FAM53A: variants seen among roughly 807,000 people sequenced by gnomAD.
FAM53A encodes family with sequence similarity 53 member A, also known as protein FAM53A.
In FAM53A, 28 loss-of-function variants were observed where a neutral mutation model predicts 26.6. The observed-to-expected ratio is 1.05, with a 90% CI of 0.78 to 1.45. The LOEUF (loss-of-function observed/expected upper bound fraction) is 1.45, where lower values mean the gene tolerates loss of function less well. FAM53A is among the 40% of genes most tolerant of loss of function. FAM53A has a pLI of 0.00. For synonymous variants in FAM53A, 290 were observed against 253.1 expected, an observed-to-expected ratio of 1.15 and a Z score of -1.38; for missense variants, 650 against 575.8, an observed-to-expected ratio of 1.13 and a Z score of -1.32.
rs772940976 is a variant in FAM53A, at chr4:1,666,823, G to A, written c.75+1844C>T. Among the ~76,000 whole-genome samples, 8 of 152,134 alleles carry A rather than the reference G, an allele frequency of 5.3e-5. No homozygotes were observed. The South Asian group carries it at 6.2e-4, about 12-fold the overall frequency. On this transcript the variant is annotated intron_variant, in intron 2 of 4. Transcript: ENST00000308132. ...AACATGGCCAACATGGTGAAACCCC[G>A]TCTCTACTAAAAATACAAAATTTAG...
the FAM53A span, among the ~76,000 whole-genome samples, chr4:1,601,233 C>CCGGGGGAGATGGGATGGG: frequency 5.7e-4 from 50 of 87,262 alleles, no homozygotes; most frequent in South Asian, 1.0e-3. Context: ...CGCAACAGGT[C>CCGGGGGAGATGGGATGGG]GGACACCCAC....
At position 1,619,237 on chromosome 4, in the gene FAM53A, T is replaced by C. The variant is rs948417338; in HGVS notation, c.432-1126A>G. 5.3e-5 allele frequency among the ~76,000 whole-genome samples: 8 copies of C among 152,334 alleles called. 1 individual carries two copies. In the South Asian group the frequency reaches 1.7e-3, roughly 32 times the overall value. The stretch of plus-strand genomic sequence containing the variant: ...CAGGCTGAGGCAGGAGCTGCCAGGA[T>C]CCCACCTTGTGGCGAGCGGCCCCTT... On this transcript the variant is annotated intron_variant, in intron 1 of 1. Coordinates refer to the FAM53A transcript ENST00000489029.
At chr4:1,626,426 C>G (rs1407410599) in intron 1 of FAM53A, among the ~76,000 whole-genome samples, 1 of 152,240 alleles carries the variant, frequency 6.6e-6, no homozygotes, top group Non-Finnish European at 1.5e-5. Flanking sequence ...ACCCCGATCA[C>G]CAGACCCAGC....
intron 1 of FAM53A, among the ~76,000 whole-genome samples, chr4:1,672,204 G>A (rs1483659925): frequency 2.4e-5 from 2 of 83,720 alleles, no homozygotes; most frequent in Non-Finnish European, 3.1e-5. Context: ...CCAGGAACCA[G>A]GAACCCACAG....
At chr4:1,635,478 T>C (rs1304897679), downstream of FAM53A, among the ~76,000 whole-genome samples, 1 of 152,166 alleles carries the variant, frequency 6.6e-6, no homozygotes, top group African/African-American at 2.4e-5. Context: ...CTTGCTATGT[T>C]GCCCAGGCTG....
intron 1 of FAM53A, among the ~76,000 whole-genome samples, chr4:1,634,580 T>G (rs979437049): frequency 1.3e-5 from 2 of 152,192 alleles, no homozygotes; most frequent in African/African-American, 4.8e-5. Flanking sequence ...TCCTCCCTTA[T>G]GCATTTTGTG....
At chr4:1,580,488 G>C in the FAM53A span, among the ~76,000 whole-genome samples, 3,712 of 151,832 alleles carry the variant, frequency 0.024, 101 homozygotes, top group African/African-American at 0.062. Context: ...CCCCGGCGCG[G>C]GGTGCACGGA....
At chr4:1,658,794 G>C (rs930191683) in intron 2 of FAM53A, among the ~76,000 whole-genome samples, 1 of 152,262 alleles carries the variant, frequency 6.6e-6, no homozygotes, top group Admixed American at 6.5e-5. Context: ...ACAGGAGGGG[G>C]GTCCTGCCGG....
the FAM53A span, chr4:1,574,403 C>G: frequency 6.6e-6 from 1 of 152,624 alleles, no homozygotes; most frequent in African/African-American, 2.4e-5. Flanking sequence ...CTCATCCCCT[C>G]CCACCAGGGT....
At chr4:1,650,352 GTGT>G (rs1397924545) in intron 4 of FAM53A, among the ~76,000 whole-genome samples, 1 of 132,936 alleles carries the variant, frequency 7.5e-6, no homozygotes, top group Non-Finnish European at 1.6e-5. Flanking sequence ...CACAGGCGTG[GTGT>G]TTGACTGTGA....
chr4:1,626,214 G>A (rs1715295458), intron 1 of FAM53A, among the ~76,000 whole-genome samples: 1 of 152,202 alleles, frequency 6.6e-6, no homozygotes, highest in South Asian at 2.1e-4. Flanking sequence ...CCCAGGAGGA[G>A]GAGGTAGGGG....
the FAM53A span, among the ~76,000 whole-genome samples, chr4:1,585,213 T>A: frequency 6.6e-6 from 1 of 151,756 alleles, no homozygotes; most frequent in Non-Finnish European, 1.5e-5. Flanking sequence ...ACTCTTCCAA[T>A]CTATTAATAA....
chr4:1,583,975 C>G, the FAM53A span, among the ~76,000 whole-genome samples: 44 of 152,364 alleles, frequency 2.9e-4, 1 homozygote, highest in Admixed American at 1.5e-3. Context: ...ATCAGCCATT[C>G]AGGTTCTCTC....
At chr4:1,597,538 G>A in the FAM53A span, among the ~76,000 whole-genome samples, 8 of 152,170 alleles carry the variant, frequency 5.3e-5, no homozygotes, top group African/African-American at 1.9e-4. Context: ...CAGACCCCCA[G>A]CCCCTCCCTC....
chr4:1,624,709 G>A (rs766527404), intron 1 of FAM53A, among the ~76,000 whole-genome samples: 1 of 152,216 alleles, frequency 6.6e-6, no homozygotes, highest in Non-Finnish European at 1.5e-5. Flanking sequence ...TGGCTGAGAA[G>A]GCACCTGGAA....
chr4:1,576,994 G>A, the FAM53A span, among the ~76,000 whole-genome samples: 1 of 144,678 alleles, frequency 6.9e-6, no homozygotes, highest in Non-Finnish European at 1.5e-5. Flanking sequence ...ACTGCACACT[G>A]TTCCCGGCCC....
At chr4:1,637,823 A>C (rs1467909036), downstream of FAM53A, among the ~76,000 whole-genome samples, 2 of 152,068 alleles carry the variant, frequency 1.3e-5, no homozygotes, top group East Asian at 3.9e-4. Context: ...TGCCCAGCCC[A>C]GTGGATCCCA....
intron 1 of FAM53A, among the ~76,000 whole-genome samples, chr4:1,671,870 T>G (rs1275005715): frequency 1.3e-5 from 2 of 152,254 alleles, no homozygotes; most frequent in African/African-American, 4.8e-5. Context: ...TAGGATTTTA[T>G]TTTAAAAACA....
At chr4:1,643,870 C>T (rs912556853) in intron 4 of FAM53A, among the ~76,000 whole-genome samples, 1 of 152,146 alleles carries the variant, frequency 6.6e-6, no homozygotes, top group Non-Finnish European at 1.5e-5. Context: ...CCCAGCCCCA[C>T]TCAAATCTTT....
Sources: gnomAD v4.1 joint callset for allele counts (sites outside exome capture counted in the v4.1 genomes callset) on GRCh38, gnomAD v4.1.1 for gene constraint, MANE v1.5 for transcripts, NCBI Gene and HGNC (gene_info 2026-07-23, HGNC 2026-07-21) for gene names.